FAM227B: variants seen among roughly 807,000 people sequenced by gnomAD.
FAM227B encodes the protein family with sequence similarity 227 member B, also known as protein FAM227B.
In FAM227B, 88 loss-of-function variants were observed where a neutral mutation model predicts 73.8. That is an observed-to-expected ratio of 1.19 (90% CI 1.00 to 1.42). FAM227B has a LOEUF of 1.42. FAM227B is among the 40% of genes most tolerant of loss of function. The pLI is 0.00. For synonymous variants in FAM227B, 210 were observed against 190.5 expected (o/e 1.10, Z -0.84); for missense variants, 632 against 590.9 (o/e 1.07, Z -0.72).
intron 9 of FAM227B, among the ~76,000 whole-genome samples, chr15:49,542,381 G>C (rs185266510): frequency 6.6e-6 from 1 of 152,120 alleles, no homozygotes; most frequent in East Asian, 1.9e-4. Flanking sequence ...TAATTGCATG[G>C]AAAAGTTCTT....
chr15:49,613,072 A>T (rs2078053895), intron 2 of FAM227B, among the ~76,000 whole-genome samples: 1 of 152,126 alleles, frequency 6.6e-6, no homozygotes. Context: ...GTTAGGGTCA[A>T]GCACAGTGGC....
Position 49,568,282 on chromosome 15 carries a change from A to G in FAM227B, c.710T>C (p.Met237Thr), listed in dbSNP as rs148166394. 457 of 1,610,492 alleles carry G rather than the reference A, an allele frequency of 2.8e-4. No individual in the cohort carries two copies. The highest frequency in any genetic ancestry group is 3.7e-4 in the Non-Finnish European group (432 of 1,178,504). The stretch of plus-strand genomic sequence containing the variant: ...ATCCTTTCGACTTAGAGGTATGCTC[A>G]TGAAAAGTGTCACATAACTTTCTGA... ...RISESYVTLFMSIPLSRKDAF... is the reference protein window; with the variant it reads ...RISESYVTLFTSIPLSRKDAF... The change falls in exon 9 of 16, where the codon ATG (methionine) becomes ACG (threonine). Residue 237 changes from methionine to threonine, a missense_variant. Physicochemically the swap from Met to Thr is moderately conservative, Grantham distance 81. Coordinates refer to ENST00000299338, the MANE Select transcript of FAM227B (RefSeq NM_152647.3).
At chr15:49,353,074 G>A (rs1400541536) in intron 13 of FAM227B, among the ~76,000 whole-genome samples, 1 of 152,132 alleles carries the variant, frequency 6.6e-6, no homozygotes, top group Non-Finnish European at 1.5e-5. Context: ...TCTATGGTGA[G>A]TTGATGAAAT....
chr15:49,615,079 T>G, intron 2 of FAM227B, 42 bp downstream of exon 2: 6 of 1,575,436 alleles, frequency 3.8e-6, no homozygotes, highest in South Asian at 1.1e-5. Context: ...AAGAGAAATA[T>G]AACCTTTGTA....
chr15:49,545,101 T>C (rs1203907167), intron 9 of FAM227B, among the ~76,000 whole-genome samples: 2 of 152,210 alleles, frequency 1.3e-5, no homozygotes, highest in East Asian at 3.9e-4. Flanking sequence ...AAATGTCTGA[T>C]AGAATTCAGC....
At chr15:49,349,858 A>G (rs1473479072) in intron 13 of FAM227B, among the ~76,000 whole-genome samples, 1 of 152,178 alleles carries the variant, frequency 6.6e-6, no homozygotes, top group Non-Finnish European at 1.5e-5. Context: ...ACGATAAAAA[A>G]CAAAACAAAA....
intron 11 of FAM227B, among the ~76,000 whole-genome samples, chr15:49,447,542 T>C (rs2052337628): frequency 6.6e-6 from 1 of 151,710 alleles, no homozygotes. Flanking sequence ...TGGTAGCATA[T>C]GCGTTGATGT....
intron 13 of FAM227B, among the ~76,000 whole-genome samples, chr15:49,354,776 C>T (rs997601254): frequency 2.6e-5 from 4 of 152,066 alleles, no homozygotes; most frequent in African/African-American, 7.2e-5. Flanking sequence ...TAGGCTCCAC[C>T]TCTGGGGGCA....
chr15:49,420,400 TA>T lies in FAM227B; in HGVS notation c.1013-49002del, dbSNP rs61537782. On this transcript the variant is annotated intron_variant, in intron 11 of 15. Transcript: ENST00000299338. ...TAATGAGATAGGAAGATTTTTCTGTTAAAAAAAAATACAAAAAAATGCATAT... is the reference window on the plus strand; with the variant it reads ...TAATGAGATAGGAAGATTTTTCTGTTAAAAAAAATACAAAAAAATGCATAT... Among the ~76,000 whole-genome samples, 671 of 150,590 alleles carry T rather than the reference TA, an allele frequency of 4.5e-3. 8 individuals are homozygous for T. Among genetic ancestry groups the T allele is most frequent in the African/African-American group, 0.015 (599 of 41,100 alleles).
intron 11 of FAM227B, among the ~76,000 whole-genome samples, chr15:49,495,658 A>G (rs1172858507): frequency 6.6e-6 from 1 of 152,174 alleles, no homozygotes; most frequent in East Asian, 1.9e-4. Flanking sequence ...TTTATATCCT[A>G]CTTCTAATGG....
chr15:49,559,110 A>T (rs916426416), intron 9 of FAM227B, among the ~76,000 whole-genome samples: 1 of 152,184 alleles, frequency 6.6e-6, no homozygotes, highest in African/African-American at 2.4e-5. Context: ...GATAGACTAG[A>T]ATATGAATCT....
intron 2 of FAM227B, chr15:49,614,888 A>G (rs936510386): frequency 4.1e-6 from 2 of 483,142 alleles, no homozygotes; most frequent in Admixed American, 3.3e-5. Flanking sequence ...AGTCAGGGAG[A>G]TGGATTTGAG....
chr15:49,610,343 C>G (rs2077808446), intron 3 of FAM227B, among the ~76,000 whole-genome samples: 1 of 147,414 alleles, frequency 6.8e-6, no homozygotes, highest in East Asian at 2.1e-4. Flanking sequence ...TACTTAGATA[C>G]ACCATGTGAC....
At chr15:49,391,972 C>G (rs1175095464) in intron 11 of FAM227B, among the ~76,000 whole-genome samples, 1 of 152,068 alleles carries the variant, frequency 6.6e-6, no homozygotes, top group East Asian at 1.9e-4. Context: ...TTTGGCTTTA[C>G]TGTGCCAGGC....
intron 10 of FAM227B, among the ~76,000 whole-genome samples, chr15:49,531,089 T>C (rs2060572397): frequency 7.4e-6 from 1 of 134,236 alleles, no homozygotes; most frequent in Admixed American, 7.9e-5. Flanking sequence ...TATAAAAAAG[T>C]TTAAACTAAT....
intron 3 of FAM227B, among the ~76,000 whole-genome samples, chr15:49,596,433 G>C (rs1475899928): frequency 6.6e-6 from 1 of 151,770 alleles, no homozygotes; most frequent in Non-Finnish European, 1.5e-5. Context: ...TACCAAGCCA[G>C]CACTAAAAGA....
At chr15:49,558,186 CA>C (rs1355347710) in intron 9 of FAM227B, among the ~76,000 whole-genome samples, 2 of 151,978 alleles carry the variant, frequency 1.3e-5, no homozygotes. Context: ...AGAAAGCACC[CA>C]GACTAAAGAC....
chr15:49,451,055 TAATTCA>T (rs2052682589), intron 11 of FAM227B, among the ~76,000 whole-genome samples: 1 of 152,238 alleles, frequency 6.6e-6, no homozygotes, highest in Non-Finnish European at 1.5e-5. Context: ...AATGACAGTT[TAATTCA>T]ATCAAAATTT....
chr15:49,507,352 C>T (rs1299851471), intron 11 of FAM227B, among the ~76,000 whole-genome samples: 1 of 151,980 alleles, frequency 6.6e-6, no homozygotes, highest in African/African-American at 2.4e-5. Flanking sequence ...AGGTTAATTC[C>T]TCCTCTTCCT....
Sources: allele counts gnomAD v4.1 joint callset (sites outside exome capture counted in the v4.1 genomes callset), GRCh38; gene constraint gnomAD v4.1.1; transcripts MANE v1.5; gene names NCBI Gene and HGNC (gene_info 2026-07-23, HGNC 2026-07-21).